The following NCAM2 variants were observed in gnomAD, a reference collection of about 807,000 sequenced individuals.
The protein encoded by NCAM2 is neural cell adhesion molecule 2, also known as N-CAM-2.
In NCAM2, 30 loss-of-function variants were observed where a neutral mutation model predicts 98.1. The ratio of observed to expected loss-of-function variants is 0.31; its 90% confidence interval spans 0.23 to 0.41. The LOEUF is 0.41. Ranked by LOEUF, NCAM2 falls within the 10% of genes least tolerant of loss-of-function variation. The pLI, the probability that NCAM2 is intolerant of heterozygous loss-of-function variation, is 1.00. For missense variants in NCAM2, 867 were observed against 1,005.8 expected (o/e 0.86, Z 1.87); for synonymous variants, 368 against 342.4 (o/e 1.07, Z -0.83).
chr21:21,106,331 G>GAAAAAAAAAAAAAAAAAAAAA (rs2066348710), intron 1 of NCAM2, among the ~76,000 whole-genome samples: 1 of 90,634 alleles, frequency 1.1e-5, no homozygotes, highest in African/African-American at 5.8e-5. Flanking sequence ...AAAAAAAAAG[G>GAAAAAAAAAAAAAAAAAAAAA]AACAGCCAAA....
At chr21:21,368,811 A>G (rs2148028113) in intron 8 of NCAM2, among the ~76,000 whole-genome samples, 1 of 151,480 alleles carries the variant, frequency 6.6e-6, no homozygotes, top group Admixed American at 6.6e-5. Context: ...AGACCATAGC[A>G]CCCTCTCTAA....
At chr21:21,123,556 C>T (rs1049089007) in intron 1 of NCAM2, among the ~76,000 whole-genome samples, 2 of 152,100 alleles carry the variant, frequency 1.3e-5, no homozygotes, top group South Asian at 2.1e-4. Context: ...CACTGGTTCC[C>T]GAGATCAACC....
intron 1 of NCAM2, among the ~76,000 whole-genome samples, chr21:21,006,891 C>T (rs955014866): frequency 6.6e-6 from 1 of 152,102 alleles, no homozygotes; most frequent in African/African-American, 2.4e-5. Flanking sequence ...GTCTTGCATC[C>T]TGATAGAGGG....
intron 1 of NCAM2, among the ~76,000 whole-genome samples, chr21:21,234,128 G>A (rs940955176): frequency 1.3e-5 from 2 of 151,742 alleles, no homozygotes; most frequent in African/African-American, 4.8e-5. Flanking sequence ...ATTAATATTG[G>A]ATTGCCACTT....
At chr21:21,431,033 C>T (rs546249305) in intron 11 of NCAM2, among the ~76,000 whole-genome samples, 14 of 85,176 alleles carry the variant, frequency 1.6e-4, no homozygotes, top group South Asian at 3.8e-4. Context: ...GGCCAGAAAA[C>T]GAAACTCCGT....
intron 9 of NCAM2, among the ~76,000 whole-genome samples, chr21:21,398,813 T>C (rs570768738): frequency 6.6e-6 from 1 of 152,172 alleles, no homozygotes; most frequent in Non-Finnish European, 1.5e-5. Context: ...GAGAAATCAA[T>C]GACAAAGCTT....
At chr21:21,222,130 G>A (rs936306649) in intron 1 of NCAM2, among the ~76,000 whole-genome samples, 4 of 152,110 alleles carry the variant, frequency 2.6e-5, no homozygotes, top group Admixed American at 2.6e-4. Context: ...TAAGCCTACA[G>A]TTGAGACCTA....
At chr21:21,125,422 T>TATGTAATATATAATATTTTACATATATA (rs2066775992) in intron 1 of NCAM2, among the ~76,000 whole-genome samples, 1 of 6,144 alleles carries the variant, frequency 1.6e-4, no homozygotes, top group Non-Finnish European at 4.1e-4. Flanking sequence ...TTTACATATA[T>TATGTAATATATAATATTTTACATATATA]TCATACATAT....
chr21:21,363,265 G>T (rs540391503), intron 8 of NCAM2, among the ~76,000 whole-genome samples: 17 of 152,178 alleles, frequency 1.1e-4, no homozygotes, highest in Non-Finnish European at 1.6e-4. Context: ...ACATTTTGGA[G>T]ATTTATTGTG....
chr21:21,328,069 T>C (rs1192118585), intron 6 of NCAM2, among the ~76,000 whole-genome samples: 1 of 152,164 alleles, frequency 6.6e-6, no homozygotes. Flanking sequence ...CACTTAATCA[T>C]GATACACAGG....
intron 12 of NCAM2, among the ~76,000 whole-genome samples, chr21:21,460,859 T>G (rs1602409760): frequency 6.6e-6 from 1 of 151,888 alleles, no homozygotes; most frequent in Middle Eastern, 3.4e-3. Flanking sequence ...AAATGGAGGT[T>G]AGAGTTTCCG....
intron 1 of NCAM2, among the ~76,000 whole-genome samples, chr21:21,161,299 ATGTC>A (rs2067775032): frequency 1.3e-5 from 2 of 151,994 alleles, no homozygotes; most frequent in African/African-American, 4.8e-5. Context: ...TAGAAATACA[ATGTC>A]TGTAAGGCAT....
At chr21:21,066,258 T>G (rs569565955) in intron 1 of NCAM2, among the ~76,000 whole-genome samples, 1 of 152,192 alleles carries the variant, frequency 6.6e-6, no homozygotes, top group Non-Finnish European at 1.5e-5. Context: ...CGTCTTTGAA[T>G]ACAGTTTTTT....
chr21:21,335,384 G>A lies in NCAM2; in HGVS notation c.738-121G>A, dbSNP rs941325369. The A allele has an allele frequency of 8.2e-5, 51 of 624,254 alleles. No individual in the cohort carries two copies. The East Asian group carries it at 1.6e-3, about 20-fold the overall frequency. The allele number at this position is 624,254 out of a possible 1,614,324, so 38.7% of individuals were successfully genotyped here. A position where few individuals can be genotyped will look rare whatever the true frequency, so the allele number is the denominator to read the frequency against. On this transcript the variant is annotated intron_variant, in intron 6 of 17. Coordinates refer to ENST00000400546, the MANE Select transcript of NCAM2 (RefSeq NM_004540.5). Reference sequence around the variant, plus strand: ...AAAATATACTTTTGATTGGAATATAGCCCTGTCTTTCAATGATGATAGCCA... The same window carrying A: ...AAAATATACTTTTGATTGGAATATAACCCTGTCTTTCAATGATGATAGCCA...
At chr21:21,323,115 A>C (rs1018433632) in intron 5 of NCAM2, among the ~76,000 whole-genome samples, 6 of 152,208 alleles carry the variant, frequency 3.9e-5, no homozygotes, top group Admixed American at 3.9e-4. Context: ...CTAATGTATA[A>C]ATAATGATAG....
At chr21:21,229,782 T>G (rs576715137) in intron 1 of NCAM2, among the ~76,000 whole-genome samples, 4 of 151,498 alleles carry the variant, frequency 2.6e-5, no homozygotes, top group African/African-American at 9.6e-5. Flanking sequence ...TTATTGTTCC[T>G]GGACTGGTAG....
rs142573356 is a variant in NCAM2 at position 21,364,859 on chromosome 21, A to G, written c.1045-9004A>G. ...ATTTAAAATACTTTTTAGAACTTCCATAATGGATGAAGTGGGGCCTGATTT... is the reference window on the plus strand; with the variant it reads ...ATTTAAAATACTTTTTAGAACTTCCGTAATGGATGAAGTGGGGCCTGATTT... On this transcript the variant is annotated intron_variant, in intron 8 of 17. Coordinates refer to ENST00000400546, the MANE Select transcript of NCAM2 (RefSeq NM_004540.5). 7.6e-4 allele frequency among the ~76,000 whole-genome samples: 116 copies of G among 152,244 alleles called. 3 individuals carry two copies. The East Asian group carries it at 0.021, about 28-fold the overall frequency.
intron 1 of NCAM2, among the ~76,000 whole-genome samples, chr21:21,228,038 A>G (rs2070460043): frequency 6.6e-6 from 1 of 151,758 alleles, no homozygotes; most frequent in Non-Finnish European, 1.5e-5. Flanking sequence ...AGGGAGTGGA[A>G]CATACAACCC....
intron 7 of NCAM2, among the ~76,000 whole-genome samples, chr21:21,336,303 AAT>A (rs1435994293): frequency 1.3e-5 from 2 of 151,978 alleles, no homozygotes; most frequent in Non-Finnish European, 2.9e-5. Flanking sequence ...ATTAACATTT[AAT>A]ATGTTTTCTC....
Sources: gnomAD v4.1 joint callset for allele counts (sites outside exome capture counted in the v4.1 genomes callset) on GRCh38, gnomAD v4.1.1 for gene constraint, MANE v1.5 for transcripts, NCBI Gene and HGNC (gene_info 2026-07-23, HGNC 2026-07-21) for gene names.